The following CACNB2 variants were observed in gnomAD, a reference collection of about 807,000 sequenced individuals.
CACNB2 encodes the protein voltage-dependent L-type calcium channel subunit beta-2.
CACNB2 carries 42 observed loss-of-function variants against 73.3 expected under a neutral mutation model. That is an observed-to-expected ratio of 0.57 (90% confidence interval 0.45 to 0.74). The LOEUF (loss-of-function observed/expected upper bound fraction) is 0.74. CACNB2 is among the 30% of genes least tolerant of loss of function. The probability of loss-of-function intolerance (pLI) is 0.00; values close to 1 mark genes in which losing one functional copy is unlikely to be tolerated. For synonymous variants in CACNB2, 348 were observed against 310.3 expected, an observed-to-expected ratio of 1.12 and a Z score of -1.28; for missense variants, 940 against 853.0, an observed-to-expected ratio of 1.10 and a Z score of -1.27.
chr10:18,403,210 A>G lies in CACNB2; in HGVS notation c.333+1167A>G, dbSNP rs565635536. Among the ~76,000 whole-genome samples the G allele has an allele frequency of 2.0e-5, 3 of 152,304 alleles. No homozygotes were observed. In the South Asian group the frequency reaches 6.2e-4, roughly 32 times the overall value. The stretch of plus-strand genomic sequence containing the variant: ...TAGCAGATGCAGGGAGGGTTTTGTG[A>G]TGGTGGAAACTGATAAAACTGGACG... On this transcript the variant is annotated intron_variant, in intron 3 of 13. Coordinates refer to ENST00000324631, the MANE Select transcript of CACNB2 (RefSeq NM_201596.3).
At chr10:18,400,954 G>C in intron 2 of CACNB2, 2 of 1,607,962 alleles carry the variant, frequency 1.2e-6, no homozygotes, top group South Asian at 2.2e-5. Flanking sequence ...AAGGAGCTGG[G>C]GTTCTCCGGG....
At position 18,185,793 on chromosome 10, in the gene CACNB2, T is replaced by C. The variant is rs116080871; in HGVS notation, c.213+34818T>C. Among the ~76,000 whole-genome samples, 650 of 152,148 alleles carry C rather than the reference T, an allele frequency of 4.3e-3. 8 individuals are homozygous for C. Among genetic ancestry groups the C allele is most frequent in the African/African-American group, 0.014 (589 of 41,522 alleles). On this transcript the variant is annotated intron_variant, in intron 2 of 13. Transcript: ENST00000324631. ...ATTTAATAAATATTTATTCTGTGCC[T>C]ACCATGTGCCAGAAACTGTTCTCGG...
At chr10:18,457,011 G>A (rs2047316003) in intron 3 of CACNB2, among the ~76,000 whole-genome samples, 1 of 152,058 alleles carries the variant, frequency 6.6e-6, no homozygotes, top group Non-Finnish European at 1.5e-5. Flanking sequence ...ACTGGGCATA[G>A]TCTACACACA....
chr10:18,288,001 C>A (rs187815284), intron 2 of CACNB2, among the ~76,000 whole-genome samples: 1 of 152,190 alleles, frequency 6.6e-6, no homozygotes, highest in African/African-American at 2.4e-5. Flanking sequence ...ACTCCAATCA[C>A]GTGCTGTCTT....
intron 3 of CACNB2, among the ~76,000 whole-genome samples, chr10:18,470,698 A>G (rs929471675): frequency 1.3e-5 from 2 of 152,020 alleles, no homozygotes; most frequent in African/African-American, 4.8e-5. Context: ...CCCCCTTTAA[A>G]TTGATTTTTC....
rs2036905779 is a variant in CACNB2, at chr10:18,247,347, A to G, written c.213+96372A>G. 5.3e-5 allele frequency among the ~76,000 whole-genome samples: 8 copies of G among 152,102 alleles called. No individual in the cohort carries two copies. In the South Asian group the frequency reaches 1.5e-3, roughly 28 times the overall value. On this transcript the variant is annotated intron_variant, in intron 2 of 13. Transcript: ENST00000324631. ...TCCCTCAGGATCTTCTTCTTGTCCAACTAACACCAATTCCCAATAAAGGAC... is the reference window on the plus strand; with the variant it reads ...TCCCTCAGGATCTTCTTCTTGTCCAGCTAACACCAATTCCCAATAAAGGAC...
At chr10:18,270,529 G>A (rs997900271) in intron 2 of CACNB2, among the ~76,000 whole-genome samples, 1 of 152,052 alleles carries the variant, frequency 6.6e-6, no homozygotes, top group Admixed American at 6.6e-5. Context: ...CTGAGAATAT[G>A]AGTGCAATCT....
intron 2 of CACNB2, among the ~76,000 whole-genome samples, chr10:18,371,832 G>T (rs2042597251): frequency 6.6e-6 from 1 of 152,144 alleles, no homozygotes; most frequent in Non-Finnish European, 1.5e-5. Flanking sequence ...GTGTAAAAGT[G>T]TTCCTATTTC....
Position 18,442,155 on chromosome 10 carries a change from C to T in CACNB2, c.333+40112C>T, listed in dbSNP as rs909582495. Reference sequence around the variant, plus strand: ...CACACCTGGTTTGAATCTGGCTATTCTTTTTTTTATTGAGACGGAGTTTCA... The same window carrying T: ...CACACCTGGTTTGAATCTGGCTATTTTTTTTTTTATTGAGACGGAGTTTCA... On this transcript the variant is annotated intron_variant, in intron 3 of 13. Coordinates refer to ENST00000324631, the MANE Select transcript of CACNB2 (RefSeq NM_201596.3). Among the ~76,000 whole-genome samples, 5 of 151,534 alleles carry T rather than the reference C, an allele frequency of 3.3e-5. No individual in the cohort carries two copies. In the South Asian group the frequency reaches 1.0e-3, roughly 32 times the overall value.
intron 2 of CACNB2, among the ~76,000 whole-genome samples, chr10:18,204,197 C>A (rs376907845): frequency 6.6e-6 from 1 of 152,168 alleles, no homozygotes; most frequent in African/African-American, 2.4e-5. Flanking sequence ...AGAAACCAAA[C>A]CTTTTTCATC....
At chr10:18,150,855 C>CTTTTTTTTTTTTTGTT (rs2031469752) in intron 1 of CACNB2, 28 bp from the exon 2 acceptor site, 2 of 484,690 alleles carry the variant, frequency 4.1e-6, no homozygotes, top group African/African-American at 4.5e-5. Flanking sequence ...TCTTATTTGT[C>CTTTTTTTTTTTTTGTT]TTTTTTTTTT....
chr10:18,205,633 A>G (rs1588696650), intron 2 of CACNB2, among the ~76,000 whole-genome samples: 1 of 152,224 alleles, frequency 6.6e-6, no homozygotes, highest in South Asian at 2.1e-4. Context: ...ATTCACAAAT[A>G]TGAATGAAAT....
chr10:18,534,136 T>C lies in CACNB2; in HGVS notation c.1115T>C (p.Val372Ala). The change falls in exon 11 of 14, where the codon GTC becomes GCC. Residue 372 changes from valine to alanine, a missense_variant. By Grantham distance (64) the Val-to-Ala change is moderately conservative. Transcript: ENST00000324631. Reference sequence around the variant, plus strand: ...CTTGCAAGAACATTGCAGTTGGTGGTCCTTGACGCGGATACAATTAATCAT... The same window carrying C: ...CTTGCAAGAACATTGCAGTTGGTGGCCCTTGACGCGGATACAATTAATCAT... Reference protein sequence around the residue: ...FELARTLQLVVLDADTINHPA... With the variant: ...FELARTLQLVALDADTINHPA... 6.2e-7 allele frequency: 1 copy of C among 1,613,948 alleles called. No homozygotes were observed. Among genetic ancestry groups the C allele is most frequent in the South Asian group, 1.1e-5 (1 of 91,064 alleles).
intron 2 of CACNB2, among the ~76,000 whole-genome samples, chr10:18,301,882 C>CAA (rs1489342135): frequency 6.6e-6 from 1 of 151,890 alleles, no homozygotes; most frequent in Admixed American, 6.6e-5. Context: ...CTCCTGACCT[C>CAA]GTGATCCTCC....
chr10:18,473,305 C>G (rs887098242), intron 3 of CACNB2, among the ~76,000 whole-genome samples: 11 of 152,096 alleles, frequency 7.2e-5, no homozygotes, highest in Admixed American at 2.0e-4. Flanking sequence ...TATTTCAATT[C>G]AAGTTAATAT....
intron 3 of CACNB2, among the ~76,000 whole-genome samples, chr10:18,468,223 G>A (rs1166625323): frequency 6.6e-6 from 1 of 152,164 alleles, no homozygotes; most frequent in African/African-American, 2.4e-5. Flanking sequence ...ATTTTGGGAG[G>A]CTAAGGCAGG....
intron 6 of CACNB2, chr10:18,513,239 T>C (rs545916027): frequency 6.3e-6 from 1 of 159,090 alleles, no homozygotes; most frequent in East Asian, 1.9e-4. Context: ...GGTTCATTGT[T>C]GTTGCACAGA....
At chr10:18,239,532 T>G (rs912925407) in intron 2 of CACNB2, among the ~76,000 whole-genome samples, 5 of 152,292 alleles carry the variant, frequency 3.3e-5, no homozygotes, top group Non-Finnish European at 7.4e-5. Context: ...CATGTGTAAG[T>G]AGATATATAC....
chr10:18,308,469 G>A (rs769602223), intron 2 of CACNB2, among the ~76,000 whole-genome samples: 3 of 152,190 alleles, frequency 2.0e-5, no homozygotes, highest in Non-Finnish European at 2.9e-5. Context: ...CCCGCCCTCC[G>A]CTCTCCAGGG....
Sources: gnomAD v4.1 joint callset for allele counts (sites outside exome capture counted in the v4.1 genomes callset) on GRCh38, gnomAD v4.1.1 for gene constraint, MANE v1.5 for transcripts, NCBI Gene and HGNC (gene_info 2026-07-23, HGNC 2026-07-21) for gene names.